COL24A1: variants seen among roughly 807,000 people sequenced by gnomAD.
The protein encoded by COL24A1 is collagen alpha-1(XXIV) chain.
COL24A1 carries 224 observed loss-of-function variants against 253.9 expected under a neutral mutation model. That is an observed-to-expected ratio of 0.88 (90% confidence interval 0.79 to 0.99). The LOEUF (loss-of-function observed/expected upper bound fraction) is 0.99. Ranked by LOEUF, COL24A1 falls within the 50% of genes least tolerant of loss-of-function variation. The pLI is 0.00. For missense variants in COL24A1, 2,131 were observed against 2,068.5 expected (o/e 1.03, Z -0.59); for synonymous variants, 685 against 673.7 (o/e 1.02, Z -0.26).
intron 53 of COL24A1, among the ~76,000 whole-genome samples, chr1:85,774,725 T>C (rs1198493980): frequency 6.6e-6 from 1 of 152,214 alleles, no homozygotes; most frequent in African/African-American, 2.4e-5. Flanking sequence ...ATATTCCCTT[T>C]ATCATTTTTT....
chr1:85,968,033 G>A (rs984214675), intron 22 of COL24A1, among the ~76,000 whole-genome samples: 1 of 152,042 alleles, frequency 6.6e-6, no homozygotes, highest in South Asian at 2.1e-4. Context: ...GAAAAGGAGA[G>A]ACTGCCCTAG....
chr1:86,136,699 C>T (rs899978276), intron 2 of COL24A1, among the ~76,000 whole-genome samples: 1 of 152,034 alleles, frequency 6.6e-6, no homozygotes, highest in African/African-American at 2.4e-5. Flanking sequence ...CACACGACCT[C>T]TCAGCCATTA....
chr1:85,837,162 C>T (rs1676089823), intron 43 of COL24A1, among the ~76,000 whole-genome samples: 1 of 152,088 alleles, frequency 6.6e-6, no homozygotes, highest in Non-Finnish European at 1.5e-5. Context: ...CAAATAAATC[C>T]ACTCAATTCC....
At chr1:86,002,824 G>A (rs1695559848) in intron 19 of COL24A1, among the ~76,000 whole-genome samples, 1 of 152,134 alleles carries the variant, frequency 6.6e-6, no homozygotes, top group Non-Finnish European at 1.5e-5. Flanking sequence ...CAAATTGAGA[G>A]TCTTACATAC....
intron 24 of COL24A1, among the ~76,000 whole-genome samples, chr1:85,918,828 G>A (rs10782561): frequency 0.44 from 66,181 of 151,966 alleles, 15,657 homozygotes; most frequent in East Asian, 0.75. Flanking sequence ...ATGTGAAAAT[G>A]TGAAAAGAAA....
chr1:85,988,374 A>G (rs775964154), intron 19 of COL24A1, among the ~76,000 whole-genome samples: 1 of 152,042 alleles, frequency 6.6e-6, no homozygotes, highest in Non-Finnish European at 1.5e-5. Context: ...TGGCTCAAGA[A>G]ATGAAAAAGA....
chr1:86,146,447 T>G (rs1410675795), intron 1 of COL24A1, among the ~76,000 whole-genome samples: 1 of 151,964 alleles, frequency 6.6e-6, no homozygotes, highest in Non-Finnish European at 1.5e-5. Flanking sequence ...TTTCTGAAGA[T>G]TAACTTAAAA....
At position 85,940,270 on chromosome 1, in the gene COL24A1, A is replaced by G. The variant is rs535115041; in HGVS notation, c.2562+20979T>C. Among the ~76,000 whole-genome samples, 6 of 61,926 alleles carry G rather than the reference A, an allele frequency of 9.7e-5. 2 individuals are homozygous for G. The highest frequency in any genetic ancestry group is 1.3e-3 in the East Asian group (2 of 1,512). The allele number at this position is 61,926 out of a possible 152,430, so 40.6% of individuals were successfully genotyped here. A position where few individuals can be genotyped will look rare whatever the true frequency, so the allele number is the denominator to read the frequency against. Reference sequence around the variant, plus strand: ...ATACAAAAAATTAGCCGGGCGTGGTAGCGGGCGCCTGTAGTCCCAGCTACT... The same window carrying G: ...ATACAAAAAATTAGCCGGGCGTGGTGGCGGGCGCCTGTAGTCCCAGCTACT... On this transcript the variant is annotated intron_variant, in intron 24 of 59. Coordinates refer to ENST00000370571, the MANE Select transcript of COL24A1 (RefSeq NM_152890.7).
chr1:85,937,754 C>G (rs1316920385), intron 24 of COL24A1, among the ~76,000 whole-genome samples: 1 of 147,568 alleles, frequency 6.8e-6, no homozygotes, highest in Non-Finnish European at 1.5e-5. Flanking sequence ...TGGTACCATT[C>G]TTTGAGAAGC....
At chr1:85,823,768 G>C in intron 43 of COL24A1, 30 bp from the exon 44 acceptor site, 3 of 1,598,546 alleles carry the variant, frequency 1.9e-6, no homozygotes, top group South Asian at 1.1e-5. Flanking sequence ...CATTATTAGA[G>C]TAAGTAGAGA....
chr1:86,008,795 C>T (rs890224114), intron 19 of COL24A1, among the ~76,000 whole-genome samples: 3 of 151,692 alleles, frequency 2.0e-5, no homozygotes, highest in African/African-American at 7.3e-5. Flanking sequence ...TTAAGGTAAC[C>T]AGATATAAAA....
chr1:85,893,649 G>A (rs1010288659), intron 31 of COL24A1, among the ~76,000 whole-genome samples: 1 of 152,100 alleles, frequency 6.6e-6, no homozygotes, highest in African/African-American at 2.4e-5. Flanking sequence ...AACAGTGTTG[G>A]TCCACGGACA....
chr1:86,042,719 C>T (rs1197985304), intron 12 of COL24A1, among the ~76,000 whole-genome samples: 3 of 152,004 alleles, frequency 2.0e-5, no homozygotes, highest in Admixed American at 2.0e-4. Context: ...TAATTCCGTG[C>T]TTTGTGTTTA....
chr1:86,059,039 G>T (rs1700867015), intron 9 of COL24A1, 82 bp downstream of exon 9: 4 of 832,032 alleles, frequency 4.8e-6, no homozygotes, highest in Non-Finnish European at 7.2e-6. Context: ...AAAACTATTT[G>T]AACATTAATT....
intron 8 of COL24A1, among the ~76,000 whole-genome samples, chr1:86,062,924 C>T (rs563180164): frequency 6.6e-6 from 1 of 152,152 alleles, no homozygotes; most frequent in Non-Finnish European, 1.5e-5. Context: ...AGGTACCAAC[C>T]ATCACATTTC....
At chr1:85,999,636 GTAAAA>G (rs1243482112) in intron 19 of COL24A1, among the ~76,000 whole-genome samples, 3 of 59,140 alleles carry the variant, frequency 5.1e-5, no homozygotes, top group African/African-American at 9.5e-5. Flanking sequence ...ATAAAATAAA[GTAAAA>G]TAAAATAAAA....
chr1:85,739,930 A>G (rs1387823766), intron 57 of COL24A1, among the ~76,000 whole-genome samples: 1 of 152,070 alleles, frequency 6.6e-6, no homozygotes, highest in East Asian at 1.9e-4. Context: ...CACTCCCTCT[A>G]GTGTCCTAAC....
At chr1:85,831,181 C>T (rs1451034246) in intron 43 of COL24A1, among the ~76,000 whole-genome samples, 8 of 152,020 alleles carry the variant, frequency 5.3e-5, no homozygotes, top group Admixed American at 3.3e-4. Context: ...GCAGAGCCAG[C>T]AATTAACAGA....
chr1:85,847,649 C>T lies in COL24A1; in HGVS notation c.3462+16G>A. 6 of 1,591,268 alleles carry T rather than the reference C, an allele frequency of 3.8e-6. No individual in the cohort carries two copies. Among genetic ancestry groups the T allele is most frequent in the Non-Finnish European group, 5.2e-6 (6 of 1,160,904 alleles). ...ATCCACAGTGACTCAATTCTGGAAG[C>T]AAGTCAAATACTGACCACAGCACCT... On this transcript the variant is annotated intron_variant, in intron 39 of 59. Coordinates refer to ENST00000370571, the MANE Select transcript of COL24A1 (RefSeq NM_152890.7).
Sources: gnomAD v4.1 joint callset for allele counts (sites outside exome capture counted in the v4.1 genomes callset) on GRCh38, gnomAD v4.1.1 for gene constraint, MANE v1.5 for transcripts, NCBI Gene and HGNC (gene_info 2026-07-23, HGNC 2026-07-21) for gene names.